The following ITGA4 variants were observed in gnomAD, a reference collection of about 807,000 sequenced individuals.
ITGA4 encodes integrin subunit alpha 4.
A neutral mutation model predicts 133.6 loss-of-function variants in ITGA4; 63 were observed. The ratio of observed to expected loss-of-function variants is 0.47; its 90% CI spans 0.38 to 0.58. The LOEUF is 0.58. Ranked by LOEUF, ITGA4 falls within the 20% of genes least tolerant of loss-of-function variation. The pLI, the probability that ITGA4 is intolerant of heterozygous loss-of-function variation, is 0.00. For missense variants in ITGA4, 1,076 were observed against 1,252.7 expected (o/e 0.86, Z 2.13); for synonymous variants, 483 against 438.0 (o/e 1.10, Z -1.28).
Position 181,457,652 on chromosome 2 carries a change from C to T in ITGA4, c.-3C>T. 2 of 1,608,954 alleles carry T rather than the reference C, an allele frequency of 1.2e-6. No homozygotes were observed. Among genetic ancestry groups the T allele is most frequent in the South Asian group, 1.1e-5 (1 of 90,210 alleles). ...AGTGTTGAATGTTCCCCACCGAGAG[C>T]GCATGGCTTGGGAAGCGAGGCGCGA... On this transcript the variant is annotated 5_prime_UTR_variant, in exon 1 of 28. Transcript: ENST00000397033.
At chr2:181,460,098 T>C (rs1685232056) in intron 2 of ITGA4, among the ~76,000 whole-genome samples, 2 of 152,104 alleles carry the variant, frequency 1.3e-5, no homozygotes, top group African/African-American at 4.8e-5. Flanking sequence ...AAAAGTGGAG[T>C]GAAAATTTAT....
In ITGA4 at chr2:181,457,611, G is replaced by C. The variant is rs199512278; in HGVS notation, c.-44G>C. Reference sequence around the variant, plus strand: ...CAACCGTCGCATCCCGTGCAACTTTGGGGTAGTGGCCGTTTAGTGTTGAAT... The same window carrying C: ...CAACCGTCGCATCCCGTGCAACTTTCGGGTAGTGGCCGTTTAGTGTTGAAT... On this transcript the variant is annotated 5_prime_UTR_variant, in exon 1 of 28. Transcript: ENST00000397033. 5.1e-6 allele frequency: 8 copies of C among 1,565,800 alleles called. No individual in the cohort carries two copies. The highest frequency in any genetic ancestry group is 6.1e-6 in the Non-Finnish European group (7 of 1,151,974).
chr2:181,463,552 A>G (rs1471125997), intron 2 of ITGA4, among the ~76,000 whole-genome samples: 1 of 152,166 alleles, frequency 6.6e-6, no homozygotes, highest in African/African-American at 2.4e-5. Flanking sequence ...AATGAAAGAG[A>G]TGAGTGAGAA....
chr2:181,475,857 G>A, intron 4 of ITGA4: 1 of 1,603,190 alleles, frequency 6.2e-7, no homozygotes. Flanking sequence ...CATAACAGAA[G>A]TGAGCAGAAT....
intron 2 of ITGA4, 31 bp downstream of exon 2, chr2:181,458,348 A>G (rs747297157): frequency 8.1e-6 from 13 of 1,600,050 alleles, no homozygotes; most frequent in African/African-American, 2.7e-5. Flanking sequence ...GGAGTTAGTG[A>G]CCTCCCGACC....
intron 17 of ITGA4, among the ~76,000 whole-genome samples, chr2:181,514,620 T>C (rs990354139): frequency 1.1e-5 from 1 of 90,062 alleles, no homozygotes; most frequent in African/African-American, 3.0e-5. Flanking sequence ...TATCTTGGTG[T>C]TTTTACCCTC....
At position 181,511,927 on chromosome 2, in the gene ITGA4, G is replaced by T. The variant is rs552200273; in HGVS notation, c.1922+152G>T. On this transcript the variant is annotated intron_variant, in intron 17 of 27. Coordinates refer to ENST00000397033, the MANE Select transcript of ITGA4 (RefSeq NM_000885.6). ...CAACACAATGCTTAGTTTTTTATCG[G>T]CCAGAAAACTGGTTATATCACTCAG... The T allele has an allele frequency of 7.7e-6, 4 of 522,780 alleles. No homozygotes were observed. In the African/African-American group the frequency reaches 7.7e-5, roughly 10 times the overall value. 32.4% of individuals were successfully genotyped at this position (522,780 alleles called of 1,614,324 possible).
intron 2 of ITGA4, among the ~76,000 whole-genome samples, chr2:181,468,654 G>A (rs1259508586): frequency 2.0e-5 from 3 of 152,062 alleles, no homozygotes; most frequent in African/African-American, 4.8e-5. Context: ...AACTAGCTTT[G>A]TAGTATTTCT....
At chr2:181,526,820 C>CTTTTTTT (rs1559056789) in intron 21 of ITGA4, among the ~76,000 whole-genome samples, 1 of 27,850 alleles carries the variant, frequency 3.6e-5, no homozygotes, top group African/African-American at 7.6e-5. Flanking sequence ...GAGCACATGG[C>CTTTTTTT]CTTTTTTTTT....
chr2:181,473,469 G>A (rs1685603177), intron 2 of ITGA4, among the ~76,000 whole-genome samples: 1 of 152,216 alleles, frequency 6.6e-6, no homozygotes, highest in Non-Finnish European at 1.5e-5. Flanking sequence ...CACTGACCTA[G>A]GGTAATCAGG....
Position 181,534,972 on chromosome 2 carries a change from A to C in ITGA4, c.3003+37A>C, listed in dbSNP as rs199682472. On this transcript the variant is annotated intron_variant, in intron 27 of 27. Transcript: ENST00000397033. ...ACAATTACCAACATTAGTCTACTAA[A>C]AATGACATTTTCTCAAAGCCAATTT... 2.0e-6 allele frequency: 3 copies of C among 1,526,442 alleles called. No individual in the cohort carries two copies. In the African/African-American group the frequency reaches 4.3e-5, roughly 22 times the overall value. 94.6% of individuals were successfully genotyped at this position (1,526,442 alleles called of 1,614,324 possible). A position where few individuals can be genotyped will look rare whatever the true frequency, so the allele number is the denominator to read the frequency against.
At chr2:181,469,347 T>C (rs1180443517) in intron 2 of ITGA4, among the ~76,000 whole-genome samples, 1 of 152,210 alleles carries the variant, frequency 6.6e-6, no homozygotes, top group Non-Finnish European at 1.5e-5. Context: ...TGGTCCAGGA[T>C]GGCTTTGAAT....
chr2:181,483,150 G>A (rs1380660711), intron 9 of ITGA4, among the ~76,000 whole-genome samples: 1 of 152,090 alleles, frequency 6.6e-6, no homozygotes, highest in East Asian at 1.9e-4. Flanking sequence ...TATATATTAT[G>A]CTCTTGATAA....
In ITGA4 at chr2:181,475,042, G is replaced by A. The variant is rs866781844; in HGVS notation, c.402G>A (p.Gln134=). 6.2e-7 allele frequency: 1 copy of A among 1,614,032 alleles called. No individual in the cohort carries two copies. The highest frequency in any genetic ancestry group is 8.5e-7 in the Non-Finnish European group (1 of 1,179,944). Residue 134 remains glutamine (Q), a synonymous_variant, in exon 3 of 28, where the codon CAG becomes CAA. Transcript: ENST00000397033. ...NQWLGVTLSR[Q]PGENGSIVTC... The stretch of plus-strand genomic sequence containing the variant: ...GGTTGGGGGTCACACTTTCCAGACA[G>A]CCAGGAGAAAATGGATCCATCGTGG...
intron 2 of ITGA4, among the ~76,000 whole-genome samples, chr2:181,473,303 C>A (rs953140452): frequency 1.3e-5 from 2 of 152,164 alleles, no homozygotes. Flanking sequence ...AACCCTATTA[C>A]GAACTGCACA....
chr2:181,480,161 G>T lies in ITGA4; in HGVS notation c.649G>T (p.Gly217Ter). Residue 217 changes from glycine (G) to a stop codon, truncating the protein, a stop_gained, in exon 6 of 28, where the codon GGA (glycine) becomes TGA (stop). Transcript: ENST00000397033. LOFTEE classifies it high-confidence loss of function. ...TKDLIVMGAP[G>*]SSYWTGSLFV... ...GGATTTAATTGTGATGGGGGCCCCA[G>T]GATCATCTTACTGGACTGGCTCTCT... is the stretch of plus-strand genomic sequence containing the variant. 6.4e-7 allele frequency: 1 copy of T among 1,555,796 alleles called. No homozygotes were observed. Among genetic ancestry groups the T allele is most frequent in the Non-Finnish European group, 8.7e-7 (1 of 1,155,716 alleles).
chr2:181,507,472 C>T (rs1375862019), intron 15 of ITGA4, among the ~76,000 whole-genome samples: 4 of 151,984 alleles, frequency 2.6e-5, no homozygotes, highest in East Asian at 3.9e-4. Context: ...TTTCTGTCTG[C>T]GTAGTGCTTG....
rs1009996971 is a variant in ITGA4 at position 181,537,023 on chromosome 2, G to A, written c.*1496G>A. 1.8e-5 allele frequency: 8 copies of A among 446,266 alleles called. No homozygotes were observed. The highest frequency in any genetic ancestry group is 1.6e-4 in the African/African-American group (8 of 49,682). 27.6% of individuals were successfully genotyped at this position (446,266 alleles called of 1,614,324 possible). A position where few individuals can be genotyped will look rare whatever the true frequency, so the allele number is the denominator to read the frequency against. The stretch of plus-strand genomic sequence containing the variant: ...CTGCAGTGATGGTGAGGAATGTTCT[G>A]AGATTTGCGAAGGCATTTGAGTAGT... On this transcript the variant is annotated 3_prime_UTR_variant, in exon 28 of 28. Coordinates refer to ENST00000397033, the MANE Select transcript of ITGA4 (RefSeq NM_000885.6).
In ITGA4 at chr2:181,536,983, TATCTG is replaced by T. The variant is rs1454447160; in HGVS notation, c.*1457_*1461del. 2.2e-6 allele frequency: 1 copy of T among 452,134 alleles called. No individual in the cohort carries two copies. The highest frequency in any genetic ancestry group is 7.0e-4 in the Middle Eastern group (1 of 1,430). 28.0% of individuals were successfully genotyped at this position (452,134 alleles called of 1,614,324 possible). On this transcript the variant is annotated 3_prime_UTR_variant, in exon 28 of 28. Transcript: ENST00000397033. Reference sequence around the variant, plus strand: ...GCCAGCCATCCTAATTGATGAAAGTTATCTGTTCACAGGCCTGCAGTGATGGTGAG... The same window carrying T: ...GCCAGCCATCCTAATTGATGAAAGTTTTCACAGGCCTGCAGTGATGGTGAG...
Sources: allele counts gnomAD v4.1 joint callset (sites outside exome capture counted in the v4.1 genomes callset), GRCh38; gene constraint gnomAD v4.1.1; transcripts MANE v1.5; gene names NCBI Gene and HGNC (gene_info 2026-07-23, HGNC 2026-07-21).